Variants in ATP6AP2 observed in about 807,000 individuals in gnomAD.
The protein encoded by ATP6AP2 is renin receptor.
In ATP6AP2, 1 loss-of-function variant was observed where a neutral mutation model predicts 23.4. That is an observed-to-expected ratio of 0.04 (90% CI 0.02 to 0.20). ATP6AP2 has a LOEUF of 0.20. ATP6AP2 is among the 10% of genes least tolerant of loss of function. The probability of loss-of-function intolerance (pLI) is 1.00; values close to 1 mark genes in which losing one functional copy is unlikely to be tolerated. For synonymous variants in ATP6AP2, 90 were observed against 97.1 expected (o/e 0.93, Z 0.43); for missense variants, 174 against 271.3 (o/e 0.64, Z 2.52).
chrX:40,601,047 C>A, intron 8 of ATP6AP2, 166 bp downstream of exon 8: 1 of 489,165 alleles, frequency 2.0e-6, no homozygotes, highest in Non-Finnish European at 3.4e-6. Flanking sequence ...CATATGTGTG[C>A]TTTGCCAGTG....
chrX:40,587,115 C>A (rs1354807475), intron 1 of ATP6AP2, among the ~76,000 whole-genome samples: 3 of 111,566 alleles, frequency 2.7e-5, no homozygotes, highest in Non-Finnish European at 3.8e-5. Flanking sequence ...ACTGAAAATA[C>A]AAAATTTAGC....
Position 40,597,618 on chromosome X carries a change from C to G in ATP6AP2, c.488C>G (p.Ser163Cys). The G allele has an allele frequency of 8.3e-7, 1 of 1,209,984 alleles. No individual in the cohort carries two copies. The highest frequency in any genetic ancestry group is 1.1e-6 in the Non-Finnish European group (1 of 893,697). ...CGTAATCGCCTGTTTCAAGAAAACT[C>G]TGTTCTCAGTTCACTCCCCCTCAAT... ...QLRNRLFQEN[S>C]VLSSLPLNSL... The change falls in exon 5 of 9, where the codon TCT (serine) becomes TGT (cysteine). Residue 163 changes from serine (S) to cysteine (C), a missense_variant. Ser to Cys is a moderately radical substitution (Grantham distance 112, BLOSUM62 -1). Transcript: ENST00000636580.
At chrX:40,589,213 C>A in intron 2 of ATP6AP2, 97 bp downstream of exon 2, 2 of 1,005,409 alleles carry the variant, frequency 2.0e-6, no homozygotes, top group Non-Finnish European at 2.7e-6. Flanking sequence ...AACGTAGGTA[C>A]GTTTGGTACA....
intron 8 of ATP6AP2, among the ~76,000 whole-genome samples, chrX:40,601,942 A>G (rs1215250810): frequency 1.8e-5 from 2 of 112,659 alleles, no homozygotes; most frequent in African/African-American, 3.2e-5. Flanking sequence ...ATTTCCCACC[A>G]TAAAACGTCT....
chrX:40,581,448 G>GA (rs1323745774), intron 1 of ATP6AP2, among the ~76,000 whole-genome samples: 1 of 112,884 alleles, frequency 8.9e-6, no homozygotes, highest in East Asian at 2.8e-4. Context: ...GTCGCAGCCC[G>GA]CTGCGAAGAA....
chrX:40,587,461 G>A (rs757486588), intron 1 of ATP6AP2, among the ~76,000 whole-genome samples: 93 of 111,932 alleles, frequency 8.3e-4, no homozygotes, highest in Non-Finnish European at 5.1e-4. Flanking sequence ...TGTTCTGACA[G>A]CTGTGCCGGA....
At chrX:40,589,570 T>C (rs1046661752) in intron 2 of ATP6AP2, 7 of 120,410 alleles carry the variant, frequency 5.8e-5, no homozygotes, top group Admixed American at 8.6e-5. Context: ...TTTTTTTTTT[T>C]AGTATAGGCG....
At position 40,602,202 on chromosome X, in the gene ATP6AP2, T is replaced by A. The variant is rs1926930762; in HGVS notation, c.858+1321T>A. The stretch of plus-strand genomic sequence containing the variant: ...AAGGCTGAGGCAGGAGAATTGCTTG[T>A]ACCCGGGAGGCAGAGGTTGCAGTGA... On this transcript the variant is annotated intron_variant, in intron 8 of 8. Coordinates refer to ENST00000636580, the MANE Select transcript of ATP6AP2 (RefSeq NM_005765.3). Among the ~76,000 whole-genome samples, 2 of 99,776 alleles carry A rather than the reference T, an allele frequency of 2.0e-5. 1 individual carries two copies. The highest frequency in any genetic ancestry group is 9.2e-5 in the African/African-American group (2 of 21,736). The allele number at this position is 99,776 out of a possible 115,157, so 86.6% of individuals were successfully genotyped here.
At chrX:40,585,691 CA>C (rs1050291570) in intron 1 of ATP6AP2, among the ~76,000 whole-genome samples, 3 of 108,941 alleles carry the variant, frequency 2.8e-5, no homozygotes, top group South Asian at 7.9e-4. Context: ...CTGTCTCTAC[CA>C]AAAAAATACA....
intron 1 of ATP6AP2, among the ~76,000 whole-genome samples, chrX:40,588,092 C>T (rs192104393): frequency 8.9e-6 from 1 of 112,399 alleles, no homozygotes; most frequent in East Asian, 2.8e-4. Flanking sequence ...GTAAGCTAGA[C>T]ATCACGAGGT....
rs1222393620 is a variant in ATP6AP2, at chrX:40,605,410, C to T, written c.859-151C>T. 8.1e-5 allele frequency: 41 copies of T among 503,517 alleles called. No homozygotes were observed. In the East Asian group the frequency reaches 1.5e-3, roughly 18 times the overall value. The allele number at this position is 503,517 out of a possible 1,213,427, so 41.5% of individuals were successfully genotyped here. ...AGTGCAAGTGTCGTCTCCACAAAGGCGCTCCTTCTTGCTTCCTCCTAGTAT... is the reference window on the plus strand; with the variant it reads ...AGTGCAAGTGTCGTCTCCACAAAGGTGCTCCTTCTTGCTTCCTCCTAGTAT... On this transcript the variant is annotated intron_variant, in intron 8 of 8. Coordinates refer to ENST00000636580, the MANE Select transcript of ATP6AP2 (RefSeq NM_005765.3).
In ATP6AP2 at chrX:40,597,264, C is replaced by A. The variant is rs2146542542; in HGVS notation, c.316C>A (p.Leu106Ile). The change falls in exon 4 of 9, where the codon CTT (leucine) becomes ATT (isoleucine). Residue 106 changes from leucine (L) to isoleucine (I), a missense_variant. Leu to Ile is a conservative substitution (Grantham distance 5, BLOSUM62 2). Transcript: ENST00000636580. ...TAAATTTCAGGCAGTTCCTTTTAGT[C>A]TTGACAGTGTTGCAAATTCCATTCA... Reference protein sequence around the residue: ...YPLENAVPFSLDSVANSIHSL... With the variant: ...YPLENAVPFSIDSVANSIHSL... 3 of 1,205,079 alleles carry A rather than the reference C, an allele frequency of 2.5e-6. No homozygotes were observed. Among genetic ancestry groups the A allele is most frequent in the Non-Finnish European group, 2.2e-6 (2 of 889,442 alleles).
chrX:40,582,228 G>C (rs1926346450), intron 1 of ATP6AP2, among the ~76,000 whole-genome samples: 1 of 112,093 alleles, frequency 8.9e-6, no homozygotes, highest in Non-Finnish European at 1.9e-5. Context: ...AGGAGTTTGA[G>C]ACCAGCCTGG....
chrX:40,602,913 C>CT (rs1351897356), intron 8 of ATP6AP2, among the ~76,000 whole-genome samples: 638 of 45,042 alleles, frequency 0.014, 58 homozygotes, highest in Admixed American at 0.054. Flanking sequence ...CCAGAGAATT[C>CT]TTTTTTTTTT....
intron 8 of ATP6AP2, among the ~76,000 whole-genome samples, chrX:40,602,746 G>A (rs959993700): frequency 9.3e-6 from 1 of 107,004 alleles, no homozygotes; most frequent in African/African-American, 3.4e-5. Context: ...GTGTGTGGGG[G>A]ATGGGAATGG....
In ATP6AP2 at chrX:40,606,465, TGA is replaced by T. The variant is rs1382500648; in HGVS notation, c.*711_*712del. 8.9e-5 allele frequency: 10 copies of T among 112,541 alleles called. No homozygotes were observed. The highest frequency in any genetic ancestry group is 2.9e-4 in the African/African-American group (9 of 30,891). 9.3% of individuals were successfully genotyped at this position (112,541 alleles called of 1,213,427 possible). On this transcript the variant is annotated 3_prime_UTR_variant, in exon 9 of 9. Coordinates refer to ENST00000636580, the MANE Select transcript of ATP6AP2 (RefSeq NM_005765.3). The stretch of plus-strand genomic sequence containing the variant: ...AATCCCTGAGGGACATTTTGAGGCA[TGA>T]ATATAAAACATTTTTATTTCAGTAA...
At chrX:40,604,176 A>C (rs1259440817) in intron 8 of ATP6AP2, among the ~76,000 whole-genome samples, 1 of 112,405 alleles carries the variant, frequency 8.9e-6, no homozygotes, top group South Asian at 3.6e-4. Context: ...AAAAAGTGTT[A>C]AGTGGATCAT....
At chrX:40,593,154 C>T (rs1279511737) in intron 3 of ATP6AP2, among the ~76,000 whole-genome samples, 2 of 110,256 alleles carry the variant, frequency 1.8e-5, no homozygotes, top group Non-Finnish European at 3.8e-5. Flanking sequence ...GGCTGAGGCA[C>T]GAGAATTACT....
At chrX:40,588,468 AT>A (rs1926536842) in intron 1 of ATP6AP2, among the ~76,000 whole-genome samples, 1 of 109,707 alleles carries the variant, frequency 9.1e-6, no homozygotes, top group Admixed American at 9.8e-5. Flanking sequence ...AACTTTATGA[AT>A]TTGCATTGTG....
Sources: gnomAD v4.1 joint callset for allele counts (sites outside exome capture counted in the v4.1 genomes callset) on GRCh38, gnomAD v4.1.1 for gene constraint, MANE v1.5 for transcripts, NCBI Gene and HGNC (gene_info 2026-07-23, HGNC 2026-07-21) for gene names.